GALNT13: variants seen among roughly 807,000 people sequenced by gnomAD.
GALNT13 encodes UDP-GalNAc:polypeptide N-acetylgalactosaminyltransferase 13.
In GALNT13, 28 loss-of-function variants were observed where a neutral mutation model predicts 64.2. The observed-to-expected ratio is 0.44, with a 90% CI of 0.32 to 0.60. The LOEUF is 0.60. GALNT13 is among the 20% of genes least tolerant of loss of function. The probability of loss-of-function intolerance (pLI) is 0.05; values close to 1 mark genes in which losing one functional copy is unlikely to be tolerated. For missense variants in GALNT13, 577 were observed against 669.8 expected, an observed-to-expected ratio of 0.86 and a Z score of 1.53; for synonymous variants, 214 against 224.6, an observed-to-expected ratio of 0.95 and a Z score of 0.42.
At chr2:154,384,044 T>C (rs1247336797) in intron 9 of GALNT13, among the ~76,000 whole-genome samples, 1 of 151,900 alleles carries the variant, frequency 6.6e-6, no homozygotes. Context: ...AATACACATA[T>C]CAGCAAATAT....
the GALNT13 span, among the ~76,000 whole-genome samples, chr2:153,589,655 A>T: frequency 6.6e-6 from 1 of 152,218 alleles, no homozygotes; most frequent in African/African-American, 2.4e-5. Flanking sequence ...TCATGGAAGA[A>T]GGCAAGGAGG....
the GALNT13 span, among the ~76,000 whole-genome samples, chr2:153,222,311 G>GGC: frequency 2.3e-5 from 3 of 132,670 alleles, no homozygotes; most frequent in African/African-American, 8.9e-5. Context: ...TCTGGCTGGG[G>GGC]GGGGGGGGGG....
chr2:154,048,565 C>A (rs1699407543), intron 3 of GALNT13, among the ~76,000 whole-genome samples: 1 of 152,106 alleles, frequency 6.6e-6, no homozygotes, highest in African/African-American at 2.4e-5. Context: ...CAGTGTAACT[C>A]ATAATTTCTC....
At chr2:154,071,020 G>C (rs10209105) in intron 3 of GALNT13, among the ~76,000 whole-genome samples, 113,616 of 152,040 alleles carry the variant, frequency 0.75, 42,837 homozygotes, top group East Asian at 0.96. Flanking sequence ...ATACCAATAA[G>C]GTTTTTCTAT....
chr2:153,963,745 G>C lies in GALNT13; in HGVS notation c.142+19106G>C, dbSNP rs895120104. 5.8e-3 allele frequency among the ~76,000 whole-genome samples: 767 copies of C among 132,536 alleles called. 6 individuals are homozygous for C. The highest frequency in any genetic ancestry group is 0.023 in the African/African-American group (700 of 30,412). 86.9% of individuals were successfully genotyped at this position (132,536 alleles called of 152,430 possible). Reference sequence around the variant, plus strand: ...TCTCTCTCTCTCTGTGTGTGTGTGTGTGTGTGTGTGTGTGTGTGTGTGTGT... The same window carrying C: ...TCTCTCTCTCTCTGTGTGTGTGTGTCTGTGTGTGTGTGTGTGTGTGTGTGT... On this transcript the variant is annotated intron_variant, in intron 3 of 12. Transcript: ENST00000392825.
intron 3 of GALNT13, among the ~76,000 whole-genome samples, chr2:154,068,886 A>G (rs988328293): frequency 2.0e-5 from 3 of 152,032 alleles, no homozygotes; most frequent in Admixed American, 1.3e-4. Context: ...AGTATCCAGT[A>G]TTTTAGTTAT....
chr2:153,514,290 C>T, the GALNT13 span, among the ~76,000 whole-genome samples: 1 of 152,118 alleles, frequency 6.6e-6, no homozygotes, highest in African/African-American at 2.4e-5. Context: ...ATTTCGGTGA[C>T]TATATTTCTC....
chr2:153,657,005 C>A, the GALNT13 span, among the ~76,000 whole-genome samples: 1 of 151,960 alleles, frequency 6.6e-6, no homozygotes, highest in Non-Finnish European at 1.5e-5. Flanking sequence ...GCTGAGGGAC[C>A]ACATGCTGAT....
At chr2:154,145,119 T>TATATATATAC (rs1444821982) in intron 4 of GALNT13, among the ~76,000 whole-genome samples, 28 of 137,272 alleles carry the variant, frequency 2.0e-4, no homozygotes, top group African/African-American at 7.1e-4. Flanking sequence ...TATATATATA[T>TATATATATAC]ACACACACTA....
chr2:153,814,821 A>T, the GALNT13 span, among the ~76,000 whole-genome samples: 3 of 152,190 alleles, frequency 2.0e-5, no homozygotes, highest in African/African-American at 7.2e-5. Flanking sequence ...GCTGAATTTG[A>T]TATATACATG....
At chr2:153,881,675 C>G (rs1474353807) in intron 1 of GALNT13, among the ~76,000 whole-genome samples, 2 of 152,134 alleles carry the variant, frequency 1.3e-5, no homozygotes, top group African/African-American at 4.8e-5. Flanking sequence ...GTAAGGAAAA[C>G]TAACTTCCAC....
chr2:153,990,474 C>A (rs985817147), intron 3 of GALNT13, among the ~76,000 whole-genome samples: 2 of 152,072 alleles, frequency 1.3e-5, no homozygotes, highest in Non-Finnish European at 2.9e-5. Flanking sequence ...TATGCACTTT[C>A]AGTTTTTTAG....
chr2:154,077,116 A>T (rs1446923800), intron 3 of GALNT13, among the ~76,000 whole-genome samples: 3 of 151,706 alleles, frequency 2.0e-5, no homozygotes, highest in Non-Finnish European at 4.4e-5. Flanking sequence ...AGTGAAAAGA[A>T]GCAAAACTTC....
intron 9 of GALNT13, among the ~76,000 whole-genome samples, chr2:154,332,901 T>C (rs997713728): frequency 1.3e-5 from 2 of 151,854 alleles, no homozygotes; most frequent in Non-Finnish European, 2.9e-5. Flanking sequence ...TGTTTTGTCG[T>C]AGAAACACAA....
intron 3 of GALNT13, among the ~76,000 whole-genome samples, chr2:154,114,611 C>T (rs1703180390): frequency 6.6e-6 from 1 of 152,072 alleles, no homozygotes; most frequent in African/African-American, 2.4e-5. Context: ...CGGGACTCCC[C>T]TTCATTCAAG....
chr2:153,743,600 G>A, the GALNT13 span, among the ~76,000 whole-genome samples: 1 of 151,914 alleles, frequency 6.6e-6, no homozygotes, highest in Admixed American at 6.6e-5. Context: ...TTTGATACAG[G>A]CATGCAAAGA....
the GALNT13 span, chr2:153,423,476 A>C: frequency 1.3e-5 from 2 of 151,922 alleles, no homozygotes; most frequent in African/African-American, 4.8e-5. Flanking sequence ...TCTTCTATTC[A>C]TCATTGTGTG....
At chr2:153,409,333 T>A in the GALNT13 span, among the ~76,000 whole-genome samples, 10,429 of 138,532 alleles carry the variant, frequency 0.075, 427 homozygotes, top group Middle Eastern at 0.15. Flanking sequence ...TATTCATATG[T>A]ATATGTATAT....
chr2:154,128,457 T>A (rs905619807), intron 3 of GALNT13, among the ~76,000 whole-genome samples: 8 of 152,128 alleles, frequency 5.3e-5, no homozygotes, highest in Non-Finnish European at 1.0e-4. Context: ...ATCCTGGTTC[T>A]TTTTATTAGT....
Sources: gnomAD v4.1 joint callset for allele counts (sites outside exome capture counted in the v4.1 genomes callset) on GRCh38, gnomAD v4.1.1 for gene constraint, MANE v1.5 for transcripts, NCBI Gene and HGNC (gene_info 2026-07-23, HGNC 2026-07-21) for gene names.